Variants in USH1C observed in about 807,000 individuals in gnomAD.
USH1C encodes USH1 protein network component harmonin.
A neutral mutation model predicts 119.3 loss-of-function variants in USH1C; 90 were observed. The ratio of observed to expected loss-of-function variants is 0.75; its 90% CI spans 0.64 to 0.90. The LOEUF is 0.90. Ranked by LOEUF, USH1C falls within the 40% of genes least tolerant of loss-of-function variation. The pLI is 0.00. For synonymous variants in USH1C, 465 were observed against 443.3 expected (o/e 1.05, Z -0.62); for missense variants, 1,165 against 1,167.7 (o/e 1.00, Z 0.03).
At chr11:17,528,140 T>G (rs1309876358) in intron 4 of USH1C, among the ~76,000 whole-genome samples, 1 of 152,242 alleles carries the variant, frequency 6.6e-6, no homozygotes, top group Non-Finnish European at 1.5e-5. Flanking sequence ...TAAAGACAGC[T>G]AGTGCCTGCC....
At chr11:17,541,992 T>A (rs746462991) in intron 1 of USH1C, among the ~76,000 whole-genome samples, 1 of 152,192 alleles carries the variant, frequency 6.6e-6, no homozygotes, top group Non-Finnish European at 1.5e-5. Context: ...TAACTCCAGA[T>A]AATAATCAAC....
At chr11:17,500,582 G>A (rs754566110) in intron 23 of USH1C, among the ~76,000 whole-genome samples, 17 of 152,276 alleles carry the variant, frequency 1.1e-4, no homozygotes, top group Admixed American at 3.3e-4. Context: ...GGGTTTCCAC[G>A]TGCTGCTCCT....
In USH1C at chr11:17,516,266, T is replaced by C; in HGVS notation, c.1235A>G (p.Asp412Gly). 6.2e-7 allele frequency: 1 copy of C among 1,613,556 alleles called. No individual in the cohort carries two copies. The highest frequency in any genetic ancestry group is 8.5e-7 in the Non-Finnish European group (1 of 1,179,866). Residue 412 changes from aspartate to glycine, a missense_variant, in exon 15 of 27, where the codon GAT (aspartate) becomes GGT (glycine). Transcript: ENST00000005226. ...PKSFGWFYRY[D>G]GKFPTIRKKG... ...CTTCCGGATGGTTGGGAATTTGCCA[T>C]CGTAACGATAAAACCATCCAAAAGC... is the stretch of plus-strand genomic sequence containing the variant.
At chr11:17,523,327 A>G (rs372907065) in intron 10 of USH1C, 60 bp from the exon 11 acceptor site, 39 of 1,613,928 alleles carry the variant, frequency 2.4e-5, no homozygotes, top group East Asian at 1.1e-4. Context: ...CCAGGCAGAG[A>G]GCACAGAAGG....
rs200239508 is a variant in USH1C, at chr11:17,531,461, A to G, written c.186T>C (p.Ile62=). The part of the protein sequence containing the change: ...EPSRLPLFDA[I]RPLIPLKHQV... Reference sequence around the variant, plus strand: ...GGTGCTTCAGTGGGATCAGCGGCCGAATGGCATCAAACAGAGGCAGACGGC... The same window carrying G: ...GGTGCTTCAGTGGGATCAGCGGCCGGATGGCATCAAACAGAGGCAGACGGC... The change falls in exon 3 of 27, where the codon ATT becomes ATC. Residue 62 remains isoleucine (I), a synonymous_variant. Coordinates refer to ENST00000005226, the MANE Select transcript of USH1C (RefSeq NM_153676.4). This position sits in a 1 kb window ranked among gnomAD's most constrained non-coding sequence, Gnocchi z 4.2. The G allele has an allele frequency of 1.6e-4, 261 of 1,613,964 alleles. 1 individual carries two copies. Among genetic ancestry groups the G allele is most frequent in the Middle Eastern group, 3.3e-4 (2 of 6,034 alleles).
At position 17,509,539 on chromosome 11, in the gene USH1C, G is replaced by C. The variant is rs755304439; in HGVS notation, c.1830C>G (p.Ser610=). The C allele has an allele frequency of 6.2e-6, 10 of 1,601,922 alleles. No homozygotes were observed. Among genetic ancestry groups the C allele is most frequent in the Non-Finnish European group, 8.5e-6 (10 of 1,173,682 alleles). ...TGGGAGTGAGGTCTTGGGTGGGAAC[G>C]GATGGCGGGGGAGGGATGGGAATGG... is the stretch of plus-strand genomic sequence containing the variant. ...PPPIPIPPPP[S]VPTQDLTPTR... The change falls in exon 18 of 27, where the codon TCC becomes TCG. Residue 610 remains serine (S), a synonymous_variant. Coordinates refer to ENST00000005226, the MANE Select transcript of USH1C (RefSeq NM_153676.4).
chr11:17,496,790 G>A lies in USH1C; in HGVS notation c.2514C>T (p.Ala838=), dbSNP rs1467666832. 9 of 1,614,058 alleles carry A rather than the reference G, an allele frequency of 5.6e-6. No individual in the cohort carries two copies. The African/African-American group carries it at 9.3e-5, about 17-fold the overall frequency. The change falls in exon 25 of 27, where the codon GCC becomes GCT. Residue 838 remains alanine (A), a synonymous_variant. Transcript: ENST00000005226. The part of the protein sequence containing the change: ...QGGDWIDLVV[A]VCPPKEYDDE... The stretch of plus-strand genomic sequence containing the variant: ...CGTCATACTCCTTTGGGGGGCAGAC[G>A]GCAACCACAAGGTCGATCCAGTCCT...
At chr11:17,516,385 T>G in intron 14 of USH1C, 95 bp from the exon 15 acceptor site, 1 of 1,248,410 alleles carries the variant, frequency 8.0e-7, no homozygotes, top group South Asian at 1.3e-5. Context: ...AAGGAATGCA[T>G]GACTTTGTGA....
intron 18 of USH1C, among the ~76,000 whole-genome samples, chr11:17,507,940 A>G (rs1012249778): frequency 6.6e-6 from 1 of 152,202 alleles, no homozygotes; most frequent in Non-Finnish European, 1.5e-5. Context: ...CATATTTTAT[A>G]GCAGAAGCCT....
intron 1 of USH1C, among the ~76,000 whole-genome samples, chr11:17,539,849 T>C (rs1360517314): frequency 1.1e-3 from 141 of 126,858 alleles, no homozygotes; most frequent in African/African-American, 3.9e-3. Flanking sequence ...TTTTTTTTTT[T>C]TGAGACCAGG....
intron 9 of USH1C, 128 bp downstream of exon 9, chr11:17,524,323 G>A: frequency 9.9e-7 from 1 of 1,011,814 alleles, no homozygotes; most frequent in Non-Finnish European, 1.5e-6. Context: ...GGGTGGGTAG[G>A]GCTCCTACTC....
Position 17,522,872 on chromosome 11 carries a change from C to T in USH1C, c.931G>A (p.Glu311Lys). 1 of 1,611,172 alleles carries T rather than the reference C, an allele frequency of 6.2e-7. No individual in the cohort carries two copies. Among genetic ancestry groups the T allele is most frequent in the Non-Finnish European group, 8.5e-7 (1 of 1,179,058 alleles). The change falls in exon 12 of 27, where the codon GAG (glutamate) becomes AAG (lysine). Residue 311 changes from glutamate (E) to lysine (K), a missense_variant. Coordinates refer to ENST00000005226, the MANE Select transcript of USH1C (RefSeq NM_153676.4). ...RERLAEARQR[E>K]LQRQELLMQK... ...ATGAGAAGCTCCTGCCGCTGCAGCT[C>T]ACGCTGCCGCGCCTCTGCCAGCCGC...
intron 23 of USH1C, among the ~76,000 whole-genome samples, chr11:17,500,154 T>A (rs1849382441): frequency 6.6e-6 from 1 of 152,142 alleles, no homozygotes; most frequent in Admixed American, 6.5e-5. Context: ...GCAGAGGGTG[T>A]TTTTGTAGAT....
intron 4 of USH1C, among the ~76,000 whole-genome samples, chr11:17,529,590 C>G (rs1177883096): frequency 2.6e-5 from 4 of 152,252 alleles, no homozygotes; most frequent in Non-Finnish European, 5.9e-5. Flanking sequence ...AGTTCCCTGT[C>G]TTATTCCTAA....
chr11:17,543,550 C>G (rs552378989), intron 1 of USH1C, among the ~76,000 whole-genome samples: 1 of 152,190 alleles, frequency 6.6e-6, no homozygotes, highest in Non-Finnish European at 1.5e-5. Flanking sequence ...GAATCATTCT[C>G]GAAATGCCCT....
chr11:17,540,750 C>A (rs1851432054), intron 1 of USH1C, among the ~76,000 whole-genome samples: 1 of 152,176 alleles, frequency 6.6e-6, no homozygotes, highest in South Asian at 2.1e-4. Context: ...GAATCCGACC[C>A]ATTCTCACCC....
At position 17,522,870 on chromosome 11, in the gene USH1C, C is replaced by T. The variant is rs2133876802; in HGVS notation, c.933G>A (p.Glu311=). The part of the protein sequence containing the change: ...RERLAEARQR[E]LQRQELLMQK... ...GCATGAGAAGCTCCTGCCGCTGCAG[C>T]TCACGCTGCCGCGCCTCTGCCAGCC... Residue 311 remains glutamate, a synonymous_variant, in exon 12 of 27, where the codon GAG becomes GAA. Coordinates refer to ENST00000005226, the MANE Select transcript of USH1C (RefSeq NM_153676.4). The T allele has an allele frequency of 3.1e-6, 5 of 1,611,814 alleles. No homozygotes were observed. Among genetic ancestry groups the T allele is most frequent in the Non-Finnish European group, 4.2e-6 (5 of 1,179,296 alleles).
At chr11:17,513,142 G>A (rs1169869781) in intron 15 of USH1C, among the ~76,000 whole-genome samples, 1 of 152,202 alleles carries the variant, frequency 6.6e-6, no homozygotes, top group South Asian at 2.1e-4. Flanking sequence ...ATTTGGACCT[G>A]AGTCTTCGAG....
At position 17,526,752 on chromosome 11, in the gene USH1C, C is replaced by A; in HGVS notation, c.579+1G>T. On this transcript the variant is annotated splice_donor_variant, in intron 7 of 26. Coordinates refer to ENST00000005226, the MANE Select transcript of USH1C (RefSeq NM_153676.4). LOFTEE classifies it high-confidence loss of function. ...CCCATCACAGGAGGTCTGGCCCTTA[C>A]CCCAGATTCCGACACAAACTGATCC... 6.2e-7 allele frequency: 1 copy of A among 1,614,022 alleles called. No individual in the cohort carries two copies. The highest frequency in any genetic ancestry group is 8.5e-7 in the Non-Finnish European group (1 of 1,179,916).
Sources: gnomAD v4.1 joint callset for allele counts (sites outside exome capture counted in the v4.1 genomes callset) on GRCh38, gnomAD v4.1.1 for gene constraint, Gnocchi (gnomAD v3.1) non-coding constraint, MANE v1.5 for transcripts, NCBI Gene and HGNC (gene_info 2026-07-23, HGNC 2026-07-21) for gene names.